Variants in ODAD4 observed in about 807,000 individuals in gnomAD.
ODAD4 encodes outer dynein arm-docking complex subunit 4.
In ODAD4, 49 loss-of-function variants were observed where a neutral mutation model predicts 51.8. The observed-to-expected ratio is 0.95, with a 90% CI of 0.75 to 1.20. The LOEUF is 1.20. ODAD4 is among the 50% of genes most tolerant of loss of function. The pLI, the probability that ODAD4 is intolerant of heterozygous loss-of-function variation, is 0.00. For missense variants in ODAD4, 590 were observed against 586.5 expected (o/e 1.01, Z -0.06); for synonymous variants, 235 against 221.3 (o/e 1.06, Z -0.55).
intron 1 of ODAD4, among the ~76,000 whole-genome samples, chr17:41,932,781 TATTGAACACTTG>T (rs1555637141): frequency 1.3e-5 from 2 of 149,434 alleles, no homozygotes; most frequent in East Asian, 3.9e-4. Context: ...CCCTGGCTGG[TATTGAACACTTG>T]AGCTCAAGTA....
At chr17:41,932,134 A>G (rs1330753752) in intron 1 of ODAD4, among the ~76,000 whole-genome samples, 4 of 151,952 alleles carry the variant, frequency 2.6e-5, no homozygotes, top group Non-Finnish European at 5.9e-5. Flanking sequence ...CAGTGGCGCA[A>G]TCTCGGCTCA....
intron 5 of ODAD4, among the ~76,000 whole-genome samples, chr17:41,938,163 C>T (rs1555638116): frequency 6.6e-6 from 1 of 152,248 alleles, no homozygotes; most frequent in Non-Finnish European, 1.5e-5. Flanking sequence ...TTCCAGCATG[C>T]ACAGGCCCAC....
At position 41,965,493 on chromosome 17, in the gene ODAD4, T is replaced by C. The variant is rs367854624; in HGVS notation, c.*10T>C. ...AAAGGAATATGAATGAAGCCATCGGTAGAGATGAGGATCAGGAAGCTGGTG... is the reference window on the plus strand; with the variant it reads ...AAAGGAATATGAATGAAGCCATCGGCAGAGATGAGGATCAGGAAGCTGGTG... On this transcript the variant is annotated 3_prime_UTR_variant, in exon 12 of 12. Transcript: ENST00000377540. The C allele has an allele frequency of 5.3e-6, 4 of 757,536 alleles. No homozygotes were observed. Among genetic ancestry groups the C allele is most frequent in the African/African-American group, 1.7e-5 (1 of 57,556 alleles). The allele number at this position is 757,536 out of a possible 1,614,324, so 46.9% of individuals were successfully genotyped here.
chr17:41,961,567 G>T (rs1340760320), intron 11 of ODAD4, 101 bp downstream of exon 11: 7 of 682,264 alleles, frequency 1.0e-5, no homozygotes, highest in Non-Finnish European at 1.6e-5. Context: ...CAATCTGGGG[G>T]CTTGGCACTG....
Position 41,965,148 on chromosome 17 carries a change from C to T in ODAD4, c.1684C>T (p.Pro562Ser). 1 of 773,090 alleles carries T rather than the reference C, an allele frequency of 1.3e-6. No individual in the cohort carries two copies. Among genetic ancestry groups the T allele is most frequent in the South Asian group, 1.4e-5 (1 of 73,018 alleles). 47.9% of individuals were successfully genotyped at this position (773,090 alleles called of 1,614,324 possible). A position where few individuals can be genotyped will look rare whatever the true frequency, so the allele number is the denominator to read the frequency against. Residue 562 changes from proline (P) to serine (S), a missense_variant, in exon 12 of 12, where the codon CCA (proline) becomes TCA (serine). Pro to Ser is a moderately conservative substitution (Grantham distance 74). Around this residue, in one of 3 missense-constraint regions of ODAD4, gnomAD observed 226 missense variants for 162.7 expected, o/e 1.39. Transcript: ENST00000377540. Reference sequence around the variant, plus strand: ...GGCTTTTGGGGAAGCTCTGCAGAGCCCAGCAAGCGGAAAGCAGAGTGTGGA... The same window carrying T: ...GGCTTTTGGGGAAGCTCTGCAGAGCTCAGCAAGCGGAAAGCAGAGTGTGGA... ...DEAFGEALQS[P>S]ASGKQSVEAG...
At chr17:41,948,219 A>G (rs2144516613) in intron 8 of ODAD4, among the ~76,000 whole-genome samples, 1 of 152,208 alleles carries the variant, frequency 6.6e-6, no homozygotes, top group South Asian at 2.1e-4. Flanking sequence ...GACAAGTACT[A>G]ATTCTAATCC....
intron 7 of ODAD4, 134 bp downstream of exon 7, chr17:41,939,306 G>C: frequency 3.3e-6 from 3 of 908,652 alleles, no homozygotes; most frequent in Non-Finnish European, 4.9e-6. Context: ...GATTCTCCTG[G>C]AGGTGGGGAC....
In ODAD4 at chr17:41,938,544, C is replaced by A. The variant is rs781888153; in HGVS notation, c.626-13C>A. 1 of 1,611,670 alleles carries A rather than the reference C, an allele frequency of 6.2e-7. No individual in the cohort carries two copies. Among genetic ancestry groups the A allele is most frequent in the Admixed American group, 1.7e-5 (1 of 59,924 alleles). ...TGTTCTCCTTGGCGCCTCCTCACACCCCTTCCCCACAGACCTGATCAAAGG... is the reference window on the plus strand; with the variant it reads ...TGTTCTCCTTGGCGCCTCCTCACACACCTTCCCCACAGACCTGATCAAAGG... On this transcript the variant is annotated splice_polypyrimidine_tract_variant and intron_variant, in intron 5 of 11. Coordinates refer to ENST00000377540, the MANE Select transcript of ODAD4 (RefSeq NM_031421.5).
rs188182718 is a variant in ODAD4 at position 41,938,660 on chromosome 17, G to A, written c.729G>A (p.Lys243=). 1 of 1,614,004 alleles carries A rather than the reference G, an allele frequency of 6.2e-7. No individual in the cohort carries two copies. The highest frequency in any genetic ancestry group is 1.7e-5 in the Admixed American group (1 of 60,018). ...ACAGCAACTTCTGGAGGCAGCAGAA[G>A]CCGATCTACGCCAGGGAGCGGGACC... ...DTHSNFWRQQ[K]PIYARERDRK... is the part of the protein sequence containing the mutation. The change falls in exon 6 of 12, where the codon AAG becomes AAA. Residue 243 remains lysine (K), a synonymous_variant. Coordinates refer to ENST00000377540, the MANE Select transcript of ODAD4 (RefSeq NM_031421.5).
intron 9 of ODAD4, among the ~76,000 whole-genome samples, chr17:41,949,703 G>A (rs2050629358): frequency 2.6e-5 from 4 of 151,908 alleles, no homozygotes; most frequent in Admixed American, 6.6e-5. Flanking sequence ...ACAGAGTTTC[G>A]CTTTTGTTGC....
At chr17:41,962,742 C>T (rs1391695231) in intron 11 of ODAD4, among the ~76,000 whole-genome samples, 3 of 152,216 alleles carry the variant, frequency 2.0e-5, no homozygotes, top group Non-Finnish European at 2.9e-5. Context: ...GTGACACAGA[C>T]AGCCTTTTCC....
intron 10 of ODAD4, among the ~76,000 whole-genome samples, chr17:41,958,756 G>A (rs2050765982): frequency 6.6e-6 from 1 of 151,908 alleles, no homozygotes. Flanking sequence ...CGGGTGCGGT[G>A]GCTCACACCT....
intron 8 of ODAD4, among the ~76,000 whole-genome samples, chr17:41,946,031 CCT>C (rs1317748125): frequency 1.3e-5 from 2 of 152,228 alleles, no homozygotes; most frequent in African/African-American, 4.8e-5. Context: ...GCCCCTTTCC[CCT>C]GATTCTTCCC....
intron 8 of ODAD4, among the ~76,000 whole-genome samples, chr17:41,946,514 G>A (rs541099551): frequency 2.0e-5 from 3 of 152,146 alleles, no homozygotes; most frequent in African/African-American, 4.8e-5. Context: ...TAGTAAAGAC[G>A]AGGTTTCACC....
At chr17:41,947,038 C>CG (rs1276851576) in intron 8 of ODAD4, among the ~76,000 whole-genome samples, 1 of 151,368 alleles carries the variant, frequency 6.6e-6, no homozygotes, top group Non-Finnish European at 1.5e-5. Context: ...TTAGTAGAGA[C>CG]GGGGTTTCCC....
chr17:41,964,889 T>C, intron 11 of ODAD4, 104 bp from the exon 12 acceptor site: 1 of 605,166 alleles, frequency 1.7e-6, no homozygotes, highest in Non-Finnish European at 2.9e-6. Context: ...GGGATCTGCC[T>C]GCCTCAGCCT....
In ODAD4 at chr17:41,935,707, G is replaced by A; in HGVS notation, c.355G>A (p.Gly119Ser). ...GAGGCCTGATCGGGAATTCAGAGTT[G>A]GCATTCAGAAAGCCCAGGAAGCCAT... ...KLRPDREFRV[G>S]IQKAQEAINN... is the part of the protein sequence containing the mutation. Residue 119 changes from glycine to serine, a missense_variant, in exon 3 of 12, where the codon GGC (glycine) becomes AGC (serine). Physicochemically the swap from Gly to Ser is moderately conservative, Grantham distance 56 (BLOSUM62 0). Transcript: ENST00000377540. 1.2e-6 allele frequency: 2 copies of A among 1,613,906 alleles called. No homozygotes were observed. The highest frequency in any genetic ancestry group is 8.5e-7 in the Non-Finnish European group (1 of 1,179,852).
intron 10 of ODAD4, among the ~76,000 whole-genome samples, chr17:41,960,852 T>G (rs1381779740): frequency 6.6e-6 from 1 of 152,118 alleles, no homozygotes; most frequent in African/African-American, 2.4e-5. Flanking sequence ...ACGGGCCTGC[T>G]ATGAGCAAGA....
chr17:41,939,612 G>T (rs951200924), intron 7 of ODAD4, among the ~76,000 whole-genome samples: 6 of 152,208 alleles, frequency 3.9e-5, no homozygotes, highest in African/African-American at 1.4e-4. Context: ...ACAGGATCCA[G>T]TGTGGTGAGA....
Sources: allele counts gnomAD v4.1 joint callset (sites outside exome capture counted in the v4.1 genomes callset), GRCh38; gene constraint gnomAD v4.1.1; regional missense constraint gnomAD v4.1.1; transcripts MANE v1.5; gene names NCBI Gene and HGNC (gene_info 2026-07-23, HGNC 2026-07-21).